EMILIN2: variants seen among roughly 807,000 people sequenced by gnomAD.
EMILIN2 encodes elastin microfibril interfacer 2, also known as EMILIN-2.
EMILIN2 carries 71 observed loss-of-function variants against 87.1 expected under a neutral mutation model. The ratio of observed to expected loss-of-function variants is 0.82; its 90% CI spans 0.67 to 0.99. The LOEUF (loss-of-function observed/expected upper bound fraction) is 0.99, where lower values mean the gene tolerates loss of function less well. Among genes scored for constraint, EMILIN2 ranks in the 50% least tolerant of loss-of-function variants. The pLI, the probability that EMILIN2 is intolerant of heterozygous loss-of-function variation, is 0.00. For synonymous variants in EMILIN2, 581 were observed against 563.4 expected (o/e 1.03, Z -0.44); for missense variants, 1,407 against 1,371.8 (o/e 1.03, Z -0.40).
intron 5 of EMILIN2, among the ~76,000 whole-genome samples, chr18:2,907,899 C>T (rs1202899523): frequency 6.6e-6 from 1 of 152,192 alleles, no homozygotes; most frequent in African/African-American, 2.4e-5. Context: ...CAGTCAGTCC[C>T]CTCTGAGTCA....
At chr18:2,876,922 C>G (rs909476887) in intron 2 of EMILIN2, among the ~76,000 whole-genome samples, 6 of 152,176 alleles carry the variant, frequency 3.9e-5, no homozygotes, top group African/African-American at 1.4e-4. Flanking sequence ...CCTAAAAGGC[C>G]AAGTGAAATA....
intron 2 of EMILIN2, among the ~76,000 whole-genome samples, chr18:2,876,191 C>T (rs1397444569): frequency 6.6e-6 from 1 of 151,604 alleles, no homozygotes; most frequent in Middle Eastern, 3.2e-3. Flanking sequence ...CAATGTTAGC[C>T]AGGATGGTCT....
chr18:2,851,090 GAA>G lies in EMILIN2; in HGVS notation c.257+3173_257+3174del, dbSNP rs113621895. ...ATATCATGGGAAAAAGGCTCTGATG[GAA>G]AAAAAAAAAAAAAGGAGCTGAATAG... On this transcript the variant is annotated intron_variant, in intron 2 of 7. Transcript: ENST00000254528. 2.1e-3 allele frequency among the ~76,000 whole-genome samples: 270 copies of G among 130,390 alleles called. 1 individual carries two copies. The highest frequency in any genetic ancestry group is 6.4e-3 in the African/African-American group (231 of 36,358). The allele number at this position is 130,390 out of a possible 152,430, so 85.5% of individuals were successfully genotyped here.
Position 2,869,623 on chromosome 18 carries a change from G to T in EMILIN2, c.258-15341G>T, listed in dbSNP as rs1424868573. On this transcript the variant is annotated intron_variant, in intron 2 of 7. Transcript: ENST00000254528. Reference sequence around the variant, plus strand: ...TAGCTGATTTTTTTTTTTGAGATGGGATCTCACTATATTGCCCAGACTGGT... The same window carrying T: ...TAGCTGATTTTTTTTTTTGAGATGGTATCTCACTATATTGCCCAGACTGGT... 3.3e-5 allele frequency among the ~76,000 whole-genome samples: 5 copies of T among 151,816 alleles called. No homozygotes were observed. In the East Asian group the frequency reaches 9.6e-4, roughly 29 times the overall value.
chr18:2,863,874 T>C (rs921553008), intron 2 of EMILIN2, among the ~76,000 whole-genome samples: 7 of 152,250 alleles, frequency 4.6e-5, no homozygotes, highest in African/African-American at 1.7e-4. Context: ...TGTAGGTCTC[T>C]AAGGACTTGC....
chr18:2,885,360 T>C (rs561219319), intron 3 of EMILIN2, among the ~76,000 whole-genome samples: 1 of 152,314 alleles, frequency 6.6e-6, no homozygotes, highest in Non-Finnish European at 1.5e-5. Flanking sequence ...GGCCAGCTTG[T>C]TGTGAAAGCC....
At chr18:2,901,712 G>T (rs182503015) in intron 4 of EMILIN2, among the ~76,000 whole-genome samples, 28 of 152,332 alleles carry the variant, frequency 1.8e-4, no homozygotes, top group African/African-American at 6.7e-4. Flanking sequence ...AGAAACACAT[G>T]TTCAGTTCAG....
Position 2,913,114 on chromosome 18 carries a change from C to A in EMILIN2, c.2872C>A (p.Leu958Ile). Residue 958 changes from leucine to isoleucine, a missense_variant, in exon 8 of 8, where the codon CTC (leucine) becomes ATC (isoleucine). Transcript: ENST00000254528. ...YDGRYLITATLTPERDAYVEA... is the reference protein window; with the variant it reads ...YDGRYLITATITPERDAYVEA... ...TGGGCGCTACCTGATCACGGCCACC[C>A]TCACCCCCGAGAGAGACGCCTACGT... The A allele has an allele frequency of 6.2e-7, 1 of 1,613,058 alleles. No individual in the cohort carries two copies. Among genetic ancestry groups the A allele is most frequent in the South Asian group, 1.1e-5 (1 of 91,084 alleles).
intron 7 of EMILIN2, among the ~76,000 whole-genome samples, chr18:2,912,565 A>G (rs994024248): frequency 2.0e-5 from 3 of 152,048 alleles, no homozygotes; most frequent in Non-Finnish European, 4.4e-5. Context: ...TTTGGCCACC[A>G]CTTCCTTTCC....
At chr18:2,884,917 T>C in intron 2 of EMILIN2, 47 bp from the exon 3 acceptor site, 2 of 1,531,880 alleles carry the variant, frequency 1.3e-6, no homozygotes, top group Non-Finnish European at 1.8e-6. Context: ...CGGAAGTTGC[T>C]TGTAACGGCA....
At chr18:2,851,872 C>T (rs909541070) in intron 2 of EMILIN2, among the ~76,000 whole-genome samples, 2 of 152,142 alleles carry the variant, frequency 1.3e-5, no homozygotes, top group African/African-American at 4.8e-5. Flanking sequence ...CTGCAACAGC[C>T]CTTCGGGTTG....
At chr18:2,851,154 G>A (rs977975397) in intron 2 of EMILIN2, among the ~76,000 whole-genome samples, 1 of 151,720 alleles carries the variant, frequency 6.6e-6, no homozygotes, top group South Asian at 2.1e-4. Flanking sequence ...GAGAGAGATC[G>A]GGGCCAGGCA....
chr18:2,857,543 A>G (rs751407375), intron 2 of EMILIN2, among the ~76,000 whole-genome samples: 10 of 152,184 alleles, frequency 6.6e-5, no homozygotes, highest in Non-Finnish European at 1.3e-4. Context: ...GCTTTTGCAC[A>G]TATCTTGAAA....
At chr18:2,898,183 G>A (rs1047115144) in intron 4 of EMILIN2, among the ~76,000 whole-genome samples, 10 of 152,228 alleles carry the variant, frequency 6.6e-5, no homozygotes, top group African/African-American at 2.4e-4. Flanking sequence ...ACCCATGAGT[G>A]ATTCATAGGG....
In EMILIN2 at chr18:2,913,641, G is replaced by C; in HGVS notation, c.*237G>C. On this transcript the variant is annotated 3_prime_UTR_variant, in exon 8 of 8. Transcript: ENST00000254528. The stretch of plus-strand genomic sequence containing the variant: ...TTCTGCCACTCTAACTGGACAACTG[G>C]AAGACTTGGAAAGGCCTCCACCTGT... The C allele has an allele frequency of 2.8e-6, 1 of 353,702 alleles. No homozygotes were observed. Among genetic ancestry groups the C allele is most frequent in the Non-Finnish European group, 5.0e-6 (1 of 198,722 alleles). The allele number at this position is 353,702 out of a possible 1,614,324, so 21.9% of individuals were successfully genotyped here.
In EMILIN2 at chr18:2,847,245, G is replaced by A; in HGVS notation, c.57G>A (p.Leu19=). 1 of 1,283,776 alleles carries A rather than the reference G, an allele frequency of 7.8e-7. No individual in the cohort carries two copies. Among genetic ancestry groups the A allele is most frequent in the Non-Finnish European group, 9.8e-7 (1 of 1,017,126 alleles). 79.5% of individuals were successfully genotyped at this position (1,283,776 alleles called of 1,614,324 possible). ...PRVPWRWALA[L]LALVGAGLCH... The stretch of plus-strand genomic sequence containing the variant: ...TGCCCTGGCGCTGGGCGCTGGCGCT[G>A]CTGGCCCTGGTTGGCGCGGGGCTGT... Residue 19 remains leucine (L), a synonymous_variant, in exon 1 of 8, where the codon CTG becomes CTA. Coordinates refer to ENST00000254528, the MANE Select transcript of EMILIN2 (RefSeq NM_032048.3). The surrounding 1 kb of genome is among the most constrained non-coding windows in gnomAD (Gnocchi z 4.5).
chr18:2,914,246 T>C lies in EMILIN2; in HGVS notation c.*842T>C, dbSNP rs1319803430. ...ATCCAAGCTATACACTTGGGTTTTGTTTCTGGCTTGTGAAGACGGACCAGA... is the reference window on the plus strand; with the variant it reads ...ATCCAAGCTATACACTTGGGTTTTGCTTCTGGCTTGTGAAGACGGACCAGA... On this transcript the variant is annotated 3_prime_UTR_variant, in exon 8 of 8. Coordinates refer to ENST00000254528, the MANE Select transcript of EMILIN2 (RefSeq NM_032048.3). 1.3e-5 allele frequency: 2 copies of C among 152,250 alleles called. No individual in the cohort carries two copies. Among genetic ancestry groups the C allele is most frequent in the African/African-American group, 2.4e-5 (1 of 41,448 alleles). 9.4% of individuals were successfully genotyped at this position (152,250 alleles called of 1,614,324 possible).
intron 2 of EMILIN2, among the ~76,000 whole-genome samples, chr18:2,867,587 C>T (rs1222146032): frequency 6.6e-6 from 1 of 152,174 alleles, no homozygotes; most frequent in African/African-American, 2.4e-5. Flanking sequence ...ATCTGTTTAA[C>T]AAAGCACATC....
chr18:2,875,685 G>C (rs1019588925), intron 2 of EMILIN2, among the ~76,000 whole-genome samples: 2 of 152,232 alleles, frequency 1.3e-5, no homozygotes, highest in Non-Finnish European at 2.9e-5. Flanking sequence ...ATTTCAAGGG[G>C]TTGGGCGCAG....
Sources: allele counts gnomAD v4.1 joint callset (sites outside exome capture counted in the v4.1 genomes callset), GRCh38; gene constraint gnomAD v4.1.1; non-coding constraint Gnocchi (gnomAD v3.1); transcripts MANE v1.5; gene names NCBI Gene and HGNC (gene_info 2026-07-23, HGNC 2026-07-21).